Variants in KSR2 observed in about 807,000 individuals in gnomAD.
KSR2 encodes the protein kinase suppressor of ras 2.
Under a neutral mutation model 107.8 loss-of-function variants are expected in KSR2, and 25 were observed. That is an observed-to-expected ratio of 0.23 (90% CI 0.17 to 0.32). KSR2 has a LOEUF of 0.32. KSR2 is among the 10% of genes least tolerant of loss of function. The pLI, the probability that KSR2 is intolerant of heterozygous loss-of-function variation, is 1.00. For missense variants in KSR2, 887 were observed against 1,268.9 expected (o/e 0.70, Z 4.57); for synonymous variants, 480 against 507.0 (o/e 0.95, Z 0.71).
intron 5 of KSR2, among the ~76,000 whole-genome samples, chr12:117,600,321 T>C (rs1880868735): frequency 2.6e-5 from 4 of 152,136 alleles, no homozygotes. Context: ...TGATAGTCAG[T>C]GGGGAAAGGA....
At chr12:117,776,965 G>A (rs1418027666) in intron 3 of KSR2, among the ~76,000 whole-genome samples, 3 of 151,402 alleles carry the variant, frequency 2.0e-5, no homozygotes, top group South Asian at 2.1e-4. Context: ...GAACCATTGC[G>A]ACTAGGAGAG....
chr12:117,719,218 C>T (rs926487263), intron 4 of KSR2, among the ~76,000 whole-genome samples: 2 of 152,012 alleles, frequency 1.3e-5, no homozygotes, highest in African/African-American at 4.8e-5. Flanking sequence ...TCAGGTCTTT[C>T]CCCCCCTCCA....
intron 4 of KSR2, among the ~76,000 whole-genome samples, chr12:117,696,728 T>C (rs571783068): frequency 8.4e-4 from 128 of 152,288 alleles, no homozygotes; most frequent in African/African-American, 2.8e-3. Context: ...TAATGAGTGA[T>C]TACCAGGCAT....
chr12:117,922,965 G>A (rs182741383), intron 1 of KSR2, among the ~76,000 whole-genome samples: 14 of 152,292 alleles, frequency 9.2e-5, no homozygotes, highest in Admixed American at 4.6e-4. Context: ...TGAGCTGCCC[G>A]ATGTACATGA....
At chr12:117,515,230 A>G (rs1336665538) in intron 14 of KSR2, among the ~76,000 whole-genome samples, 1 of 152,198 alleles carries the variant, frequency 6.6e-6, no homozygotes, top group Non-Finnish European at 1.5e-5. Flanking sequence ...TATAACTTAC[A>G]TCACATACTT....
At position 117,590,528 on chromosome 12, in the gene KSR2, G is replaced by A. The variant is rs562878350; in HGVS notation, c.1172-8169C>T. Among the ~76,000 whole-genome samples the A allele has an allele frequency of 4.6e-5, 7 of 152,286 alleles. No individual in the cohort carries two copies. The South Asian group carries it at 1.5e-3, about 32-fold the overall frequency. On this transcript the variant is annotated intron_variant, in intron 5 of 19. Transcript: ENST00000339824. ...GGTGATATAATTGGAACAGTGCTCTGCCAAGTGCCTGATGTAGTATTGTTA... is the reference window on the plus strand; with the variant it reads ...GGTGATATAATTGGAACAGTGCTCTACCAAGTGCCTGATGTAGTATTGTTA...
Position 117,855,556 on chromosome 12 carries a change from C to T in KSR2, c.344G>A (p.Ser115Asn), listed in dbSNP as rs1566052093. The T allele has an allele frequency of 6.2e-7, 1 of 1,614,036 alleles. No homozygotes were observed. The highest frequency in any genetic ancestry group is 8.5e-7 in the Non-Finnish European group (1 of 1,179,900). The change falls in exon 3 of 20, where the codon AGC becomes AAC. Residue 115 changes from serine to asparagine, a missense_variant. Coordinates refer to ENST00000339824, the MANE Select transcript of KSR2 (RefSeq NM_173598.6). Reference protein sequence around the residue: ...VLEEISPGQLSLEDLLEMTDE... With the variant: ...VLEEISPGQLNLEDLLEMTDE... ...CGTCATCTCCAAGAGGTCCTCCAGG[C>T]TCAGCTGGCCGGGGGAGATTTCCTA...
chr12:117,798,714 A>AT (rs200449041), intron 3 of KSR2, among the ~76,000 whole-genome samples: 4,787 of 84,958 alleles, frequency 0.056, 347 homozygotes, highest in East Asian at 0.27. Context: ...AAGTCCAAAA[A>AT]AAAAAAATAT....
intron 4 of KSR2, among the ~76,000 whole-genome samples, chr12:117,732,769 G>A (rs1887782853): frequency 1.3e-5 from 2 of 152,182 alleles, no homozygotes; most frequent in South Asian, 4.1e-4. Context: ...AACAGGAGGA[G>A]GAGGTGAAGG....
intron 4 of KSR2, among the ~76,000 whole-genome samples, chr12:117,709,662 C>G (rs78837055): frequency 0.044 from 6,719 of 152,222 alleles, 478 homozygotes; most frequent in African/African-American, 0.15. Flanking sequence ...GGGGACACAG[C>G]GGTTAGCAAA....
intron 1 of KSR2, among the ~76,000 whole-genome samples, chr12:117,938,429 G>A (rs1234942440): frequency 6.6e-6 from 1 of 152,028 alleles, no homozygotes; most frequent in Non-Finnish European, 1.5e-5. Flanking sequence ...AGAGGTGGGA[G>A]GATCGCTTGA....
intron 5 of KSR2, among the ~76,000 whole-genome samples, chr12:117,631,881 C>T (rs1882823860): frequency 6.6e-6 from 1 of 152,196 alleles, no homozygotes; most frequent in Non-Finnish European, 1.5e-5. Context: ...CCCCATAAAA[C>T]ATTTATTTTG....
rs567302868 is a variant in KSR2, at chr12:117,477,678, G to A, written c.2451-1083C>T. 2.2e-4 allele frequency among the ~76,000 whole-genome samples: 34 copies of A among 152,180 alleles called. 1 individual carries two copies. The highest frequency in any genetic ancestry group is 4.9e-4 in the Non-Finnish European group (33 of 68,038). On this transcript the variant is annotated intron_variant, in intron 16 of 19. Coordinates refer to ENST00000339824, the MANE Select transcript of KSR2 (RefSeq NM_173598.6). ...ATATCTAGACAGAAGGGGAAGTTAGGACAAAGTTCCAACAAGGGCCCCATT... is the reference window on the plus strand; with the variant it reads ...ATATCTAGACAGAAGGGGAAGTTAGAACAAAGTTCCAACAAGGGCCCCATT...
intron 1 of KSR2, among the ~76,000 whole-genome samples, chr12:117,880,670 T>A (rs1893996115): frequency 6.7e-6 from 1 of 150,154 alleles, no homozygotes; most frequent in Admixed American, 6.7e-5. Context: ...AAACATCCAC[T>A]AACCCCTCCT....
chr12:117,724,381 T>C (rs1402140297), intron 4 of KSR2, among the ~76,000 whole-genome samples: 1 of 152,014 alleles, frequency 6.6e-6, no homozygotes, highest in Admixed American at 6.6e-5. Context: ...GTAGCAATGT[T>C]CCTCAGATAC....
intron 4 of KSR2, among the ~76,000 whole-genome samples, chr12:117,681,101 C>T (rs545023903): frequency 8.1e-4 from 124 of 152,216 alleles, no homozygotes; most frequent in Non-Finnish European, 1.4e-3. Context: ...GAAACCCTAA[C>T]TCTACAAAAA....
rs144586309 is a variant in KSR2, at chr12:117,462,152, G to C, written c.*5047C>G. The C allele has an allele frequency of 6.7e-6, 1 of 149,462 alleles. No homozygotes were observed. Among genetic ancestry groups the C allele is most frequent in the African/African-American group, 2.5e-5 (1 of 40,232 alleles). The allele number at this position is 149,462 out of a possible 1,614,324, so 9.3% of individuals were successfully genotyped here. A position where few individuals can be genotyped will look rare whatever the true frequency, so the allele number is the denominator to read the frequency against. ...GGAATTCTGGGGAATCTATCTTCAA[G>C]GGCACCTGGGTTCTACAGTGGAGGA... is the stretch of plus-strand genomic sequence containing the variant. On this transcript the variant is annotated 3_prime_UTR_variant, in exon 20 of 20. Transcript: ENST00000339824.
At chr12:117,785,495 C>T (rs1449502277) in intron 3 of KSR2, among the ~76,000 whole-genome samples, 1 of 135,174 alleles carries the variant, frequency 7.4e-6, no homozygotes, top group African/African-American at 2.7e-5. Flanking sequence ...AATTACCAGA[C>T]ATAAACTTTA....
At chr12:117,580,311 CA>C in intron 6 of KSR2, among the ~76,000 whole-genome samples, 1 of 152,352 alleles carries the variant, frequency 6.6e-6, no homozygotes, top group South Asian at 2.1e-4. Context: ...GTGAGTTGGT[CA>C]AGCCCCTTTC....
Sources: allele counts gnomAD v4.1 joint callset (sites outside exome capture counted in the v4.1 genomes callset), GRCh38; gene constraint gnomAD v4.1.1; transcripts MANE v1.5; gene names NCBI Gene and HGNC (gene_info 2026-07-23, HGNC 2026-07-21).